FLT1: variants seen among roughly 807,000 people sequenced by gnomAD.
The protein encoded by FLT1 is fms related receptor tyrosine kinase 1, also known as vascular endothelial growth factor receptor 1.
A neutral mutation model predicts 156.3 loss-of-function variants in FLT1; 49 were observed. The observed-to-expected ratio is 0.31, with a 90% CI of 0.25 to 0.40. The LOEUF is 0.40. Among genes scored for constraint, FLT1 ranks in the 10% least tolerant of loss-of-function variants. The pLI, the probability that FLT1 is intolerant of heterozygous loss-of-function variation, is 1.00. For synonymous variants in FLT1, 594 were observed against 583.8 expected, an observed-to-expected ratio of 1.02 and a Z score of -0.25; for missense variants, 1,322 against 1,637.2, an observed-to-expected ratio of 0.81 and a Z score of 3.32.
intron 17 of FLT1, among the ~76,000 whole-genome samples, chr13:28,338,643 A>G (rs952058360): frequency 1.3e-5 from 2 of 152,150 alleles, no homozygotes; most frequent in African/African-American, 2.4e-5. Context: ...CAAAGTATGT[A>G]ATTTGTGGAT....
chr13:28,411,690 C>G (rs1451563260), intron 10 of FLT1, among the ~76,000 whole-genome samples: 2 of 151,982 alleles, frequency 1.3e-5, no homozygotes, highest in Admixed American at 1.3e-4. Context: ...TTATTACAAA[C>G]TCCAACACTA....
chr13:28,315,555 C>CA (rs1193835694), intron 25 of FLT1, among the ~76,000 whole-genome samples: 2 of 151,824 alleles, frequency 1.3e-5, no homozygotes, highest in African/African-American at 4.8e-5. Flanking sequence ...GACACTATCT[C>CA]AAAAAAACAA....
At position 28,300,625 on chromosome 13, in the gene FLT1, A is replaced by G. The variant is rs1444845352; in HGVS notation, c.*2542T>C. 1 of 232,508 alleles carries G rather than the reference A, an allele frequency of 4.3e-6. No individual in the cohort carries two copies. The highest frequency in any genetic ancestry group is 8.5e-6 in the Non-Finnish European group (1 of 117,976). The allele number at this position is 232,508 out of a possible 1,614,324, so 14.4% of individuals were successfully genotyped here. A position where few individuals can be genotyped will look rare whatever the true frequency, so the allele number is the denominator to read the frequency against. On this transcript the variant is annotated 3_prime_UTR_variant, in exon 30 of 30. Coordinates refer to ENST00000282397, the MANE Select transcript of FLT1 (RefSeq NM_002019.4). Reference sequence around the variant, plus strand: ...ATCAATTTAAATGAGGCTAGCGAGTATCTGTTTGATGTTTGCATTCTTGTG... The same window carrying G: ...ATCAATTTAAATGAGGCTAGCGAGTGTCTGTTTGATGTTTGCATTCTTGTG...
At chr13:28,402,321 A>C (rs745965450) in intron 11 of FLT1, among the ~76,000 whole-genome samples, 1 of 152,226 alleles carries the variant, frequency 6.6e-6, no homozygotes, top group Non-Finnish European at 1.5e-5. Context: ...TATAGAAAAT[A>C]AAAACAGTTT....
intron 18 of FLT1, among the ~76,000 whole-genome samples, chr13:28,330,733 A>T (rs1409372066): frequency 6.7e-6 from 1 of 150,320 alleles, no homozygotes; most frequent in Non-Finnish European, 1.5e-5. Flanking sequence ...ATTTTTTTTG[A>T]GACAGAGTCT....
At chr13:28,310,054 T>A (rs924774949) in intron 27 of FLT1, among the ~76,000 whole-genome samples, 6 of 151,994 alleles carry the variant, frequency 3.9e-5, no homozygotes, top group Non-Finnish European at 8.8e-5. Context: ...CACACCCAGC[T>A]AATTTTTGTA....
chr13:28,357,868 C>CTTTTTTTTTTTTTTTTTTTTTTTT (rs57304530), intron 14 of FLT1, among the ~76,000 whole-genome samples, 183 bp from the exon 15 acceptor site: 12 of 104,726 alleles, frequency 1.1e-4, no homozygotes, highest in African/African-American at 4.4e-4. Flanking sequence ...CTTTTCTTTC[C>CTTTTTTTTTTTTTTTTTTTTTTTT]TTTTTTTTTT....
At chr13:28,340,001 G>A (rs974492729) in intron 16 of FLT1, among the ~76,000 whole-genome samples, 12 of 152,104 alleles carry the variant, frequency 7.9e-5, no homozygotes, top group African/African-American at 2.9e-4. Flanking sequence ...GATCACCTGA[G>A]GTTAGGAGTT....
chr13:28,484,931 T>G (rs1881064648), intron 1 of FLT1, among the ~76,000 whole-genome samples: 1 of 80,536 alleles, frequency 1.2e-5, no homozygotes, highest in Non-Finnish European at 2.4e-5. Flanking sequence ...ACTCCTGTTG[T>G]GGTGTGGGGG....
intron 2 of FLT1, 57 bp from the exon 3 acceptor site, chr13:28,467,186 C>T: frequency 7.8e-7 from 1 of 1,274,236 alleles, no homozygotes; most frequent in Non-Finnish European, 1.1e-6. Context: ...AGGCTCAGCA[C>T]CAGTTCCTCA....
intron 27 of FLT1, among the ~76,000 whole-genome samples, chr13:28,310,580 G>C (rs186265816): frequency 6.6e-6 from 1 of 152,142 alleles, no homozygotes; most frequent in Non-Finnish European, 1.5e-5. Flanking sequence ...CCCAGGTTTC[G>C]TGCACGCCTA....
chr13:28,387,635 A>T, intron 13 of FLT1: 5 of 1,064,968 alleles, frequency 4.7e-6, no homozygotes, highest in Non-Finnish European at 5.7e-6. Flanking sequence ...TGGAATGGGG[A>T]CTGAGGAACC....
At position 28,466,995 on chromosome 13, in the gene FLT1, G is replaced by T; in HGVS notation, c.296C>A (p.Ala99Glu). Reference sequence around the variant, plus strand: ...GCAGCTGTAGAAGCCAGTGTGGTTTGCTTGAGCTGTGTTCAAGGTTAAAGT... The same window carrying T: ...GCAGCTGTAGAAGCCAGTGTGGTTTTCTTGAGCTGTGTTCAAGGTTAAAGT... ...CSTLTLNTAQ[A>E]NHTGFYSCKY... Residue 99 changes from alanine (A) to glutamate (E), a missense_variant, in exon 3 of 30, where the codon GCA becomes GAA. By Grantham distance (107) the Ala-to-Glu change is moderately radical. Transcript: ENST00000282397. The T allele has an allele frequency of 6.2e-7, 1 of 1,614,036 alleles. No homozygotes were observed. The highest frequency in any genetic ancestry group is 8.5e-7 in the Non-Finnish European group (1 of 1,179,880).
chr13:28,388,307 G>A (rs1305798791), intron 13 of FLT1: 3 of 1,058,302 alleles, frequency 2.8e-6, no homozygotes, highest in Non-Finnish European at 2.3e-6. Flanking sequence ...CCACGTGAAA[G>A]ACAAGTTTAG....
chr13:28,418,071 A>C (rs540017789), intron 10 of FLT1, among the ~76,000 whole-genome samples: 60 of 152,328 alleles, frequency 3.9e-4, no homozygotes, highest in Non-Finnish European at 6.8e-4. Flanking sequence ...CTGCCCTGCA[A>C]GAGATCAAAT....
chr13:28,388,489 T>C, intron 13 of FLT1: 1 of 1,038,020 alleles, frequency 9.6e-7, no homozygotes, highest in Non-Finnish European at 1.2e-6. Flanking sequence ...AAGTCACATA[T>C]AATGATCAAT....
chr13:28,427,668 T>C, intron 9 of FLT1, 84 bp downstream of exon 9: 1 of 1,214,568 alleles, frequency 8.2e-7, no homozygotes, highest in Non-Finnish European at 1.2e-6. Context: ...ATCTTTGATG[T>C]TGTTACGCTG....
chr13:28,456,567 GT>G (rs1879279172), intron 3 of FLT1, among the ~76,000 whole-genome samples: 1 of 152,122 alleles, frequency 6.6e-6, no homozygotes, highest in South Asian at 2.1e-4. Context: ...GGAGGCGGAG[GT>G]GGGTGGATCA....
At position 28,389,870 on chromosome 13, in the gene FLT1, C is replaced by G; in HGVS notation, c.1895G>C (p.Gly632Ala). The G allele has an allele frequency of 4.3e-6, 7 of 1,614,078 alleles. No individual in the cohort carries two copies. Among genetic ancestry groups the G allele is most frequent in the Non-Finnish European group, 5.9e-6 (7 of 1,180,006 alleles). ...ATTCCTGGCTCTGCAGGCATAGGTG[C>G]CTGAATCTTGCAGGGAAACATTCAT... ...TIMNVSLQDS[G>A]TYACRARNVY... The change falls in exon 13 of 30, where the codon GGC becomes GCC. Residue 632 changes from glycine (G) to alanine (A), a missense_variant. Gly to Ala is a moderately conservative substitution (Grantham distance 60). This residue lies in a region of FLT1 where 991 missense variants were observed against 1,254.8 expected (regional missense o/e 0.79). Transcript: ENST00000282397.
Sources: gnomAD v4.1 joint callset for allele counts (sites outside exome capture counted in the v4.1 genomes callset) on GRCh38, gnomAD v4.1.1 for gene constraint, gnomAD v4.1.1 regional missense constraint, MANE v1.5 for transcripts, NCBI Gene and HGNC (gene_info 2026-07-23, HGNC 2026-07-21) for gene names.